Variants in PDE5A observed in about 807,000 individuals in gnomAD.
PDE5A encodes the protein phosphodiesterase 5A, also known as cGMP-specific 3',5'-cyclic phosphodiesterase.
A neutral mutation model predicts 110.2 loss-of-function variants in PDE5A; 67 were observed. The observed-to-expected ratio is 0.61, with a 90% confidence interval of 0.50 to 0.75. The LOEUF (loss-of-function observed/expected upper bound fraction) is 0.75. Ranked by LOEUF, PDE5A falls within the 30% of genes least tolerant of loss-of-function variation. The pLI, the probability that PDE5A is intolerant of heterozygous loss-of-function variation, is 0.00. For synonymous variants in PDE5A, 328 were observed against 351.2 expected, an observed-to-expected ratio of 0.93 and a Z score of 0.74; for missense variants, 862 against 1,045.1, an observed-to-expected ratio of 0.82 and a Z score of 2.42.
chr4:119,627,584 C>T lies in PDE5A; in HGVS notation c.152+936G>A, dbSNP rs1448386706. ...GAGTCCACGCACCCCGACTATGCAT[C>T]AATTCCTCAGGCTTCGGGGCACCCG... On this transcript the variant is annotated intron_variant, in intron 1 of 20. Coordinates refer to ENST00000354960, the MANE Select transcript of PDE5A (RefSeq NM_001083.4). The surrounding 1 kb of genome is among the most constrained non-coding windows in gnomAD (Gnocchi z 4.6). 3.9e-5 allele frequency: 6 copies of T among 152,692 alleles called. No homozygotes were observed. The highest frequency in any genetic ancestry group is 3.9e-4 in the Admixed American group (6 of 15,290). 9.5% of individuals were successfully genotyped at this position (152,692 alleles called of 1,614,324 possible).
At chr4:119,547,096 T>A (rs900432787) in intron 9 of PDE5A, among the ~76,000 whole-genome samples, 2 of 141,728 alleles carry the variant, frequency 1.4e-5, no homozygotes, top group Non-Finnish European at 3.0e-5. Flanking sequence ...TAGAATTTCT[T>A]TGGGCAATAG....
intron 11 of PDE5A, among the ~76,000 whole-genome samples, chr4:119,533,594 T>G (rs1249396344): frequency 6.6e-6 from 1 of 152,152 alleles, no homozygotes; most frequent in African/African-American, 2.4e-5. Flanking sequence ...TCAGGCACAG[T>G]GGGACTGGAC....
chr4:119,523,777 C>T (rs774769955), intron 12 of PDE5A, among the ~76,000 whole-genome samples: 3 of 151,974 alleles, frequency 2.0e-5, no homozygotes, highest in Non-Finnish European at 2.9e-5. Flanking sequence ...GTACAAGAAT[C>T]ACATTCCTCT....
intron 11 of PDE5A, among the ~76,000 whole-genome samples, chr4:119,532,646 A>G (rs1020658961): frequency 2.6e-5 from 4 of 152,172 alleles, no homozygotes; most frequent in Non-Finnish European, 5.9e-5. Flanking sequence ...CTTGAAGACC[A>G]TAAAGCATGT....
At chr4:119,543,113 A>T (rs950079824) in intron 9 of PDE5A, 1 of 152,090 alleles carries the variant, frequency 6.6e-6, no homozygotes, top group African/African-American at 2.4e-5. Context: ...TGCAGAAAGG[A>T]GGCAACTGAC....
intron 1 of PDE5A, among the ~76,000 whole-genome samples, chr4:119,620,876 G>A (rs944860182): frequency 2.6e-5 from 4 of 152,188 alleles, no homozygotes. Context: ...TGTGCTAGAG[G>A]AATAAGTTTC....
At chr4:119,502,451 G>A (rs774722745) in intron 19 of PDE5A, 130 bp downstream of exon 19, 3 of 569,718 alleles carry the variant, frequency 5.3e-6, no homozygotes, top group Non-Finnish European at 9.2e-6. Flanking sequence ...CTTCCAATGA[G>A]AAAAAAGTTT....
chr4:119,603,967 C>T (rs1729434425), intron 2 of PDE5A, among the ~76,000 whole-genome samples: 1 of 152,104 alleles, frequency 6.6e-6, no homozygotes. Context: ...ATGGATGGTG[C>T]TTAGTAATGA....
intron 19 of PDE5A, among the ~76,000 whole-genome samples, chr4:119,501,781 C>G (rs1488150511): frequency 6.6e-6 from 1 of 152,158 alleles, no homozygotes. Flanking sequence ...GATCCATACT[C>G]TATGTAAAAA....
chr4:119,519,140 C>G lies in PDE5A; in HGVS notation c.1906-1G>C, dbSNP rs202172854. 5.6e-6 allele frequency: 9 copies of G among 1,610,030 alleles called. No homozygotes were observed. The Middle Eastern group carries it at 8.3e-4, about 148-fold the overall frequency. On this transcript the variant is annotated splice_acceptor_variant, in intron 13 of 20. Transcript: ENST00000354960. LOFTEE classifies it high-confidence loss of function. ...GTATCTCCAGGTCAGTCAGCTTGTT[C>G]TGCATGACCAAAGACATTGGAGGAA...
Position 119,562,859 on chromosome 4 carries a change from T to C in PDE5A, c.1105A>G (p.Ile369Val). The change falls in exon 6 of 21, where the codon ATT becomes GTT. Residue 369 changes from isoleucine (I) to valine (V), a missense_variant. Ile to Val is a conservative substitution (Grantham distance 29, BLOSUM62 3). Coordinates refer to ENST00000354960, the MANE Select transcript of PDE5A (RefSeq NM_001083.4). Reference sequence around the variant, plus strand: ...GAGCAATCTTCATCCACTATGAAAATGGTGCATTTCTGCACTTGCATGAAA... The same window carrying C: ...GAGCAATCTTCATCCACTATGAAAACGGTGCATTTCTGCACTTGCATGAAA... ...ISFMQVQKCT[I>V]FIVDEDCSDS... 6.3e-7 allele frequency: 1 copy of C among 1,581,912 alleles called. No homozygotes were observed. Among genetic ancestry groups the C allele is most frequent in the South Asian group, 1.2e-5 (1 of 84,932 alleles).
At chr4:119,617,806 A>C (rs1729993470) in intron 1 of PDE5A, among the ~76,000 whole-genome samples, 1 of 152,190 alleles carries the variant, frequency 6.6e-6, no homozygotes, top group South Asian at 2.1e-4. Context: ...CTAAAAAGAT[A>C]ATTATAATGG....
chr4:119,551,494 G>A (rs957863506), intron 9 of PDE5A, among the ~76,000 whole-genome samples: 2 of 152,196 alleles, frequency 1.3e-5, no homozygotes, highest in African/African-American at 2.4e-5. Flanking sequence ...ATTCTAGGCA[G>A]AGGGACTGGG....
At chr4:119,621,367 G>A (rs62319657) in intron 1 of PDE5A, among the ~76,000 whole-genome samples, 16,273 of 152,206 alleles carry the variant, frequency 0.11, 1,058 homozygotes, top group Non-Finnish European at 0.15. Flanking sequence ...TGTGACCCAG[G>A]TGAGACCAGG....
At chr4:119,522,889 C>A (rs551721853) in intron 12 of PDE5A, among the ~76,000 whole-genome samples, 1 of 151,870 alleles carries the variant, frequency 6.6e-6, no homozygotes, top group Non-Finnish European at 1.5e-5. Flanking sequence ...ATGTTCAATA[C>A]GTTGAATCAG....
chr4:119,571,300 C>T (rs1430926304), intron 3 of PDE5A, among the ~76,000 whole-genome samples: 1 of 152,128 alleles, frequency 6.6e-6, no homozygotes, highest in African/African-American at 2.4e-5. Context: ...CCTTAAATGA[C>T]AAACGGGGTT....
At chr4:119,544,178 A>C (rs1241889458) in intron 9 of PDE5A, among the ~76,000 whole-genome samples, 3 of 152,090 alleles carry the variant, frequency 2.0e-5, no homozygotes, top group Non-Finnish European at 4.4e-5. Context: ...TACCACCATC[A>C]ATGTTCACTT....
At chr4:119,624,008 A>G (rs1264044213) in intron 1 of PDE5A, among the ~76,000 whole-genome samples, 6 of 152,318 alleles carry the variant, frequency 3.9e-5, no homozygotes, top group East Asian at 1.9e-4. Context: ...AGGGGCTCCT[A>G]TGGATTTCTC....
intron 20 of PDE5A, 82 bp downstream of exon 20, chr4:119,501,088 G>T: frequency 1.3e-6 from 1 of 782,812 alleles, no homozygotes; most frequent in South Asian, 1.6e-5. Context: ...AAATATAGGC[G>T]CCTAATATTA....
Sources: allele counts gnomAD v4.1 joint callset (sites outside exome capture counted in the v4.1 genomes callset), GRCh38; gene constraint gnomAD v4.1.1; non-coding constraint Gnocchi (gnomAD v3.1); transcripts MANE v1.5; gene names NCBI Gene and HGNC (gene_info 2026-07-23, HGNC 2026-07-21).